MAPK8IP1: variants seen among roughly 807,000 people sequenced by gnomAD.
MAPK8IP1 encodes the protein mitogen-activated protein kinase 8 interacting protein 1, also known as C-Jun-amino-terminal kinase-interacting protein 1.
In MAPK8IP1, 17 loss-of-function variants were observed where a neutral mutation model predicts 72.6. The observed-to-expected ratio is 0.23, with a 90% CI of 0.16 to 0.35. The LOEUF (loss-of-function observed/expected upper bound fraction) is 0.35. MAPK8IP1 is among the 10% of genes least tolerant of loss of function. The pLI is 1.00. For synonymous variants in MAPK8IP1, 401 were observed against 443.4 expected, an observed-to-expected ratio of 0.90 and a Z score of 1.20; for missense variants, 789 against 1,009.7, an observed-to-expected ratio of 0.78 and a Z score of 2.96.
In MAPK8IP1 at chr11:45,903,322, C is replaced by A; in HGVS notation, c.1418-43C>A. On this transcript the variant is annotated intron_variant, in intron 5 of 11. Coordinates refer to ENST00000241014, the MANE Select transcript of MAPK8IP1 (RefSeq NM_005456.4). This position sits in a 1 kb window ranked among gnomAD's most constrained non-coding sequence, Gnocchi z 6.4. ...TCTACCTGCCCCGCTAAACCTGGAT[C>A]AGAGCTGCGACCCCCCATCCAGCCA... The A allele has an allele frequency of 6.2e-7, 1 of 1,602,896 alleles. No individual in the cohort carries two copies. The highest frequency in any genetic ancestry group is 1.1e-5 in the South Asian group (1 of 90,710).
chr11:45,899,789 G>A lies in MAPK8IP1; in HGVS notation c.208-349G>A, dbSNP rs1419173751. ...TTGCCCACCCCACCCCGAACTCCTT[G>A]GCGACCACTGAGTCCCCATAGCAAC... On this transcript the variant is annotated intron_variant, in intron 2 of 11. Transcript: ENST00000241014. 2.0e-5 allele frequency among the ~76,000 whole-genome samples: 3 copies of A among 152,176 alleles called. No individual in the cohort carries two copies. In the East Asian group the frequency reaches 5.8e-4, roughly 29 times the overall value.
chr11:45,900,746 G>T lies in MAPK8IP1; in HGVS notation c.522+294G>T, dbSNP rs910408447. Among the ~76,000 whole-genome samples the T allele has an allele frequency of 6.6e-6, 1 of 152,160 alleles. No homozygotes were observed. The highest frequency in any genetic ancestry group is 2.1e-4 in the South Asian group (1 of 4,830). ...GAATTAAGAGAATGAGGCTTTGAGG[G>T]GTTCGAAGGGTTTGGAGCCTGGGAC... is the stretch of plus-strand genomic sequence containing the variant. On this transcript the variant is annotated intron_variant, in intron 3 of 11. Coordinates refer to ENST00000241014, the MANE Select transcript of MAPK8IP1 (RefSeq NM_005456.4). The surrounding 1 kb of genome is among the most constrained non-coding windows in gnomAD (Gnocchi z 6.5).
At chr11:45,894,794 G>T (rs139939559) in intron 1 of MAPK8IP1, among the ~76,000 whole-genome samples, 1 of 152,216 alleles carries the variant, frequency 6.6e-6, no homozygotes, top group South Asian at 2.1e-4. Context: ...ACAGTATAGG[G>T]TCATCAATCA....
At position 45,903,193 on chromosome 11, in the gene MAPK8IP1, G is replaced by T; in HGVS notation, c.1417+9G>T. 1 of 1,598,004 alleles carries T rather than the reference G, an allele frequency of 6.3e-7. No homozygotes were observed. ...CCGCTCCCGCTCCTCCAGTGAGTCA[G>T]CAAGGGGAAGCAGTGGGGTGGGGGG... On this transcript the variant is annotated intron_variant, in intron 5 of 11. Coordinates refer to ENST00000241014, the MANE Select transcript of MAPK8IP1 (RefSeq NM_005456.4). This position sits in a 1 kb window ranked among gnomAD's most constrained non-coding sequence, Gnocchi z 6.4.
chr11:45,890,379 G>A (rs1412693661), intron 1 of MAPK8IP1, among the ~76,000 whole-genome samples: 3 of 152,204 alleles, frequency 2.0e-5, no homozygotes, highest in Admixed American at 6.5e-5. Context: ...TAACACTAAC[G>A]ATAGCTGATG....
intron 1 of MAPK8IP1, among the ~76,000 whole-genome samples, chr11:45,887,514 CA>C (rs1471895692): frequency 6.6e-6 from 1 of 152,170 alleles, no homozygotes; most frequent in Non-Finnish European, 1.5e-5. Context: ...CTGGAGACTA[CA>C]AAAGAGTCAG....
chr11:45,893,399 A>G (rs909260694), intron 1 of MAPK8IP1, among the ~76,000 whole-genome samples: 3 of 152,142 alleles, frequency 2.0e-5, no homozygotes. Flanking sequence ...AGGAGCTGGT[A>G]TGGCGAGAAC....
At chr11:45,898,052 T>C in intron 1 of MAPK8IP1, 33 bp from the exon 2 acceptor site, 3 of 1,382,522 alleles carry the variant, frequency 2.2e-6, no homozygotes, top group Non-Finnish European at 3.1e-6. Context: ...ATAGTGCCCC[T>C]GAGTTGTAAC....
At chr11:45,892,552 C>T (rs935887885) in intron 1 of MAPK8IP1, among the ~76,000 whole-genome samples, 11 of 152,112 alleles carry the variant, frequency 7.2e-5, no homozygotes, top group African/African-American at 1.4e-4. Flanking sequence ...GGAGGGACTC[C>T]GAGAGCCCAT....
chr11:45,904,894 T>C lies in MAPK8IP1; in HGVS notation c.1893+60T>C, dbSNP rs2271847. On this transcript the variant is annotated intron_variant, in intron 9 of 11. Transcript: ENST00000241014. This position sits in a 1 kb window ranked among gnomAD's most constrained non-coding sequence, Gnocchi z 6.4. The stretch of plus-strand genomic sequence containing the variant: ...GCCCCAAGCTCTCCCCCAAGACTTG[T>C]GATGAAGAGGCCATCTCCTGTCACC... 1,449,593 of 1,605,494 alleles carry C rather than the reference T, an allele frequency of 0.9. 668,198 individuals carry two copies. Among genetic ancestry groups the C allele is most frequent in the Non-Finnish European group, 0.95 (1,117,504 of 1,172,354 alleles).
rs993618661 is a variant in MAPK8IP1 at position 45,900,322 on chromosome 11, C to G, written c.392C>G (p.Ser131Cys). 16 of 1,422,928 alleles carry G rather than the reference C, an allele frequency of 1.1e-5. No individual in the cohort carries two copies. The highest frequency in any genetic ancestry group is 3.2e-5 in the Admixed American group (1 of 31,380). 88.1% of individuals were successfully genotyped at this position (1,422,928 alleles called of 1,614,324 possible). Residue 131 changes from serine (S) to cysteine (C), a missense_variant, in exon 3 of 12, where the codon TCC becomes TGC. By Grantham distance (112) the Ser-to-Cys change is moderately radical. This residue lies in a region of MAPK8IP1 where 112 missense variants were observed against 192.8 expected (regional missense o/e 0.58). Coordinates refer to ENST00000241014, the MANE Select transcript of MAPK8IP1 (RefSeq NM_005456.4). The surrounding 1 kb of genome is among the most constrained non-coding windows in gnomAD (Gnocchi z 6.5). ...RPGAGPPKAE[S>C]GQEPASRGQG... ...GGAGCGGGGCCGCCCAAGGCCGAGT[C>G]CGGCCAGGAGCCGGCGTCCCGCGGC...
rs569742750 is a variant in MAPK8IP1 at position 45,897,326 on chromosome 11, G to A, written c.102-759G>A. 2.6e-5 allele frequency among the ~76,000 whole-genome samples: 4 copies of A among 152,248 alleles called. No individual in the cohort carries two copies. In the South Asian group the frequency reaches 8.3e-4, roughly 32 times the overall value. Reference sequence around the variant, plus strand: ...GGGACTCAGGGCTGGCCTAGGGAGAGGGGGGTTCTAGTGGAGCTGGTTAGT... The same window carrying A: ...GGGACTCAGGGCTGGCCTAGGGAGAAGGGGGTTCTAGTGGAGCTGGTTAGT... On this transcript the variant is annotated intron_variant, in intron 1 of 11. Transcript: ENST00000241014.
intron 2 of MAPK8IP1, among the ~76,000 whole-genome samples, chr11:45,898,725 AC>A (rs1230445941): frequency 6.6e-6 from 1 of 152,198 alleles, no homozygotes; most frequent in African/African-American, 2.4e-5. Context: ...AAAGGCCCCC[AC>A]TGAGGGGTTT....
intron 1 of MAPK8IP1, chr11:45,896,855 GC>G (rs1456010483): frequency 1.9e-6 from 3 of 1,548,846 alleles, no homozygotes; most frequent in Admixed American, 2.0e-5. Context: ...GGGCCCCGCA[GC>G]CCCCCGGCCG....
Position 45,900,267 on chromosome 11 carries a change from G to A in MAPK8IP1, c.337G>A (p.Asp113Asn), listed in dbSNP as rs889083895. 6.5e-5 allele frequency: 87 copies of A among 1,331,838 alleles called. No individual in the cohort carries two copies. Among genetic ancestry groups the A allele is most frequent in the Non-Finnish European group, 7.9e-5 (83 of 1,047,752 alleles). 82.5% of individuals were successfully genotyped at this position (1,331,838 alleles called of 1,614,324 possible). A position where few individuals can be genotyped will look rare whatever the true frequency, so the allele number is the denominator to read the frequency against. ...CGGGGCCGAGGACGACGAGGAGGAC[G>A]ACGACGAGGAGCGCGCGGCCCGGCG... ...TPGAEDDEEDDDEERAARRPG... is the reference protein window; with the variant it reads ...TPGAEDDEEDNDEERAARRPG... The change falls in exon 3 of 12, where the codon GAC becomes AAC. Residue 113 changes from aspartate (D) to asparagine (N), a missense_variant. Coordinates refer to ENST00000241014, the MANE Select transcript of MAPK8IP1 (RefSeq NM_005456.4). This position sits in a 1 kb window ranked among gnomAD's most constrained non-coding sequence, Gnocchi z 6.5.
At chr11:45,901,521 T>G (rs1333684424) in intron 3 of MAPK8IP1, among the ~76,000 whole-genome samples, 1 of 152,052 alleles carries the variant, frequency 6.6e-6, no homozygotes, top group Non-Finnish European at 1.5e-5. Context: ...CCTCACCCCT[T>G]CTAGGCCATA....
chr11:45,902,792 C>G lies in MAPK8IP1; in HGVS notation c.1025C>G (p.Pro342Arg), dbSNP rs1247580310. The change falls in exon 5 of 12, where the codon CCA becomes CGA. Residue 342 changes from proline to arginine, a missense_variant. Physicochemically the swap from Pro to Arg is moderately radical, Grantham distance 103. Coordinates refer to ENST00000241014, the MANE Select transcript of MAPK8IP1 (RefSeq NM_005456.4). The surrounding 1 kb of genome is among the most constrained non-coding windows in gnomAD (Gnocchi z 9.3). Reference protein sequence around the residue: ...EEEGFDCLSSPERAEPPGGGW... With the variant: ...EEEGFDCLSSRERAEPPGGGW... The stretch of plus-strand genomic sequence containing the variant: ...GAGGGCTTCGACTGCCTGTCGTCCC[C>G]AGAGCGGGCTGAGCCCCCAGGCGGA... 6.3e-7 allele frequency: 1 copy of G among 1,591,502 alleles called. No homozygotes were observed. Among genetic ancestry groups the G allele is most frequent in the Non-Finnish European group, 8.5e-7 (1 of 1,172,056 alleles).
At chr11:45,895,655 T>A (rs1384511918) in intron 1 of MAPK8IP1, among the ~76,000 whole-genome samples, 1 of 141,566 alleles carries the variant, frequency 7.1e-6, no homozygotes, top group African/African-American at 2.6e-5. Context: ...TATATATATA[T>A]ATATATGTGC....
At position 45,900,813 on chromosome 11, in the gene MAPK8IP1, C is replaced by T. The variant is rs1021727379; in HGVS notation, c.522+361C>T. ...GTTTCTCCTTTAGGATATGGGGCTC[C>T]TGGTGAAAGTGGAGCAGGAGCAGGG... On this transcript the variant is annotated intron_variant, in intron 3 of 11. Coordinates refer to ENST00000241014, the MANE Select transcript of MAPK8IP1 (RefSeq NM_005456.4). The surrounding 1 kb of genome is among the most constrained non-coding windows in gnomAD (Gnocchi z 6.5). Among the ~76,000 whole-genome samples, 10 of 152,076 alleles carry T rather than the reference C, an allele frequency of 6.6e-5. No individual in the cohort carries two copies. Among genetic ancestry groups the T allele is most frequent in the African/African-American group, 2.2e-4 (9 of 41,414 alleles).
Sources: allele counts gnomAD v4.1 joint callset (sites outside exome capture counted in the v4.1 genomes callset), GRCh38; gene constraint gnomAD v4.1.1; regional missense constraint gnomAD v4.1.1; non-coding constraint Gnocchi (gnomAD v3.1); transcripts MANE v1.5; gene names NCBI Gene and HGNC (gene_info 2026-07-23, HGNC 2026-07-21).